SLC9A9: variants seen among roughly 807,000 people sequenced by gnomAD.
SLC9A9 encodes sodium/hydrogen exchanger 9.
In SLC9A9, 62 loss-of-function variants were observed where a neutral mutation model predicts 77.8. The ratio of observed to expected loss-of-function variants is 0.80; its 90% confidence interval spans 0.65 to 0.98. The LOEUF is 0.98. Among genes scored for constraint, SLC9A9 ranks in the 50% least tolerant of loss-of-function variants. SLC9A9 has a pLI of 0.00. For synonymous variants in SLC9A9, 320 were observed against 283.5 expected (o/e 1.13, Z -1.29); for missense variants, 775 against 774.9 (o/e 1.00, Z 0.00).
rs540791478 is a variant in SLC9A9, at chr3:143,347,290, T to G, written c.1604+16194A>C. Among the ~76,000 whole-genome samples, 3 of 152,258 alleles carry G rather than the reference T, an allele frequency of 2.0e-5. No individual in the cohort carries two copies. The East Asian group carries it at 5.8e-4, about 29-fold the overall frequency. Reference sequence around the variant, plus strand: ...TAGGGCTTTAATAAAGAAGGGACCTTATGTAGAGTTTAATCAGATGGCAGT... The same window carrying G: ...TAGGGCTTTAATAAAGAAGGGACCTGATGTAGAGTTTAATCAGATGGCAGT... On this transcript the variant is annotated intron_variant, in intron 14 of 15. Coordinates refer to ENST00000316549, the MANE Select transcript of SLC9A9 (RefSeq NM_173653.4).
At chr3:143,474,144 A>C (rs1350562560) in intron 11 of SLC9A9, among the ~76,000 whole-genome samples, 1 of 152,174 alleles carries the variant, frequency 6.6e-6, no homozygotes, top group East Asian at 1.9e-4. Flanking sequence ...TAGTAGGTGC[A>C]AAATCCTGAG....
At chr3:143,730,775 G>A (rs1448293986) in intron 4 of SLC9A9, among the ~76,000 whole-genome samples, 4 of 152,020 alleles carry the variant, frequency 2.6e-5, no homozygotes, top group African/African-American at 4.8e-5. Flanking sequence ...TGGATGGATT[G>A]ATAATGGATG....
At chr3:143,743,241 G>GATAGATAGATA (rs1935119582) in intron 4 of SLC9A9, among the ~76,000 whole-genome samples, 5 of 133,576 alleles carry the variant, frequency 3.7e-5, no homozygotes, top group Non-Finnish European at 8.1e-5. Flanking sequence ...ATGGATGGAT[G>GATAGATAGATA]GATAGATAGA....
intron 9 of SLC9A9, among the ~76,000 whole-genome samples, chr3:143,539,313 CT>C (rs1420182218): frequency 1.3e-5 from 2 of 152,146 alleles, no homozygotes; most frequent in Non-Finnish European, 2.9e-5. Context: ...TGATAGGATT[CT>C]TTGGATTTTT....
At chr3:143,740,769 CAGTCTGTA>C (rs1240370992) in intron 4 of SLC9A9, among the ~76,000 whole-genome samples, 2 of 152,132 alleles carry the variant, frequency 1.3e-5, no homozygotes, top group Non-Finnish European at 2.9e-5. Context: ...TTTGGAAATG[CAGTCTGTA>C]AGACTAAAGC....
intron 14 of SLC9A9, among the ~76,000 whole-genome samples, chr3:143,307,216 A>G (rs1231918047): frequency 6.6e-6 from 1 of 152,194 alleles, no homozygotes; most frequent in Non-Finnish European, 1.5e-5. Context: ...GGCAATGTTT[A>G]TACCATGGAA....
At chr3:143,311,025 C>G (rs569934340) in intron 14 of SLC9A9, among the ~76,000 whole-genome samples, 190 of 152,348 alleles carry the variant, frequency 1.2e-3, no homozygotes, top group African/African-American at 3.8e-3. Flanking sequence ...GGGAAGAACT[C>G]TGTAAACAAC....
intron 5 of SLC9A9, among the ~76,000 whole-genome samples, chr3:143,670,552 A>G (rs565960345): frequency 1.3e-5 from 2 of 152,166 alleles, no homozygotes; most frequent in Non-Finnish European, 2.9e-5. Flanking sequence ...TCTGCAGGTG[A>G]CGTCGTCTGT....
chr3:143,483,619 C>T (rs974589861), intron 11 of SLC9A9, among the ~76,000 whole-genome samples: 1 of 152,140 alleles, frequency 6.6e-6, no homozygotes, highest in African/African-American at 2.4e-5. Context: ...TCAGAACACA[C>T]TGGTAGGGCT....
chr3:143,640,179 GC>G (rs2038598646), intron 6 of SLC9A9, among the ~76,000 whole-genome samples: 1 of 151,772 alleles, frequency 6.6e-6, no homozygotes, highest in Non-Finnish European at 1.5e-5. Flanking sequence ...CGGCCACCAC[GC>G]CCGGCTAATT....
chr3:143,508,683 T>A (rs1436067869), intron 9 of SLC9A9, among the ~76,000 whole-genome samples: 1 of 152,188 alleles, frequency 6.6e-6, no homozygotes, highest in Non-Finnish European at 1.5e-5. Flanking sequence ...TTTACCACAT[T>A]TCCCCCATCT....
chr3:143,774,286 G>A (rs186419184), intron 4 of SLC9A9, among the ~76,000 whole-genome samples: 3 of 152,308 alleles, frequency 2.0e-5, no homozygotes, highest in East Asian at 1.9e-4. Context: ...GTGTGGGAGC[G>A]CCTTTACTGG....
intron 9 of SLC9A9, 90 bp from the exon 10 acceptor site, chr3:143,495,538 G>T: frequency 2.0e-6 from 2 of 982,792 alleles, no homozygotes; most frequent in East Asian, 2.4e-5. Flanking sequence ...CAACTGACTG[G>T]GTCTCCTTTA....
At chr3:143,599,228 T>TA (rs1453441258) in intron 6 of SLC9A9, among the ~76,000 whole-genome samples, 1 of 152,210 alleles carries the variant, frequency 6.6e-6, no homozygotes. Context: ...ATTTAACTCG[T>TA]AAAAAACATA....
At chr3:143,383,022 T>A (rs10446278) in intron 12 of SLC9A9, among the ~76,000 whole-genome samples, 58,081 of 152,172 alleles carry the variant, frequency 0.38, 11,185 homozygotes, top group Non-Finnish European at 0.42. Flanking sequence ...TTTCTGATAA[T>A]TTTTATTTTA....
At chr3:143,482,354 T>C (rs1240357872) in intron 11 of SLC9A9, among the ~76,000 whole-genome samples, 1 of 152,248 alleles carries the variant, frequency 6.6e-6, no homozygotes, top group Non-Finnish European at 1.5e-5. Flanking sequence ...TGTGAGCTCA[T>C]GGATGAAGTT....
intron 12 of SLC9A9, among the ~76,000 whole-genome samples, chr3:143,412,305 CAG>C (rs1345502164): frequency 6.6e-6 from 1 of 151,984 alleles, no homozygotes; most frequent in Admixed American, 6.6e-5. Context: ...GTGAAAAAGA[CAG>C]GGGGCAAGGG....
chr3:143,382,081 C>G lies in SLC9A9; in HGVS notation c.1503G>C (p.Glu501Asp), dbSNP rs747034373. Residue 501 changes from glutamate to aspartate, a missense_variant, in exon 13 of 16, where the codon GAG (glutamate) becomes GAC (aspartate). Transcript: ENST00000316549. ...TTGCCTGGTGTTGTGAGGAGGGGTC[C>G]TCCTTCAGATTTTCATCCAGGTCCA... is the stretch of plus-strand genomic sequence containing the variant. Reference protein sequence around the residue: ...VGVDLDENLKEDPSSQHQEAN... With the variant: ...VGVDLDENLKDDPSSQHQEAN... 6.2e-6 allele frequency: 10 copies of G among 1,614,100 alleles called. No individual in the cohort carries two copies. Among genetic ancestry groups the G allele is most frequent in the Non-Finnish European group, 8.5e-6 (10 of 1,179,994 alleles).
chr3:143,397,645 T>A (rs1018393816), intron 12 of SLC9A9, among the ~76,000 whole-genome samples: 1 of 152,128 alleles, frequency 6.6e-6, no homozygotes, highest in Admixed American at 6.6e-5. Context: ...CTAGGCAGAA[T>A]TGTGGCCTAA....
Sources: allele counts gnomAD v4.1 joint callset (sites outside exome capture counted in the v4.1 genomes callset), GRCh38; gene constraint gnomAD v4.1.1; transcripts MANE v1.5; gene names NCBI Gene and HGNC (gene_info 2026-07-23, HGNC 2026-07-21).